The following BMAL2 variants were observed in gnomAD, a reference collection of about 807,000 sequenced individuals.
The protein encoded by BMAL2 is basic helix-loop-helix ARNT like 2, also known as basic helix-loop-helix ARNT-like protein 2.
chr12:27,376,467 C>A, the BMAL2 span: 1 of 1,297,426 alleles, frequency 7.7e-7, no homozygotes, highest in Non-Finnish European at 1.1e-6. Flanking sequence ...GCAAAGGTGA[C>A]ACCAAGGTAG....
At chr12:27,386,244 AT>A in the BMAL2 span, among the ~76,000 whole-genome samples, 2 of 152,162 alleles carry the variant, frequency 1.3e-5, no homozygotes, top group Admixed American at 6.5e-5. Flanking sequence ...GATAAAAAGG[AT>A]TTTTGAAGGT....
chr12:27,349,445 T>C, the BMAL2 span, among the ~76,000 whole-genome samples: 6 of 152,210 alleles, frequency 3.9e-5, no homozygotes, highest in Non-Finnish European at 5.9e-5. Context: ...ACTAATTATA[T>C]GAGGAGTTCT....
chr12:27,351,148 C>G, the BMAL2 span, among the ~76,000 whole-genome samples: 2 of 152,098 alleles, frequency 1.3e-5, no homozygotes, highest in Non-Finnish European at 2.9e-5. Context: ...GCCACCACAC[C>G]CTGCTAACTT....
chr12:27,368,547 C>A, the BMAL2 span: 1 of 1,120,146 alleles, frequency 8.9e-7, no homozygotes, highest in East Asian at 2.5e-5. Flanking sequence ...ATCCACCCAT[C>A]TGCTACCTTT....
the BMAL2 span, among the ~76,000 whole-genome samples, chr12:27,386,937 T>C: frequency 6.6e-6 from 1 of 152,218 alleles, no homozygotes; most frequent in Non-Finnish European, 1.5e-5. Flanking sequence ...TAGGCTCATA[T>C]ACAGCACCTG....
the BMAL2 span, chr12:27,390,222 C>G: frequency 1.2e-6 from 2 of 1,613,422 alleles, no homozygotes; most frequent in East Asian, 2.2e-5. Context: ...GGATGCTTAC[C>G]CAACTCAAAG....
At chr12:27,368,982 A>G in the BMAL2 span, among the ~76,000 whole-genome samples, 3 of 152,306 alleles carry the variant, frequency 2.0e-5, no homozygotes, top group Non-Finnish European at 4.4e-5. Context: ...TATGGTGAAA[A>G]CATCAGGGCA....
chr12:27,350,572 A>G, the BMAL2 span, among the ~76,000 whole-genome samples: 28 of 152,362 alleles, frequency 1.8e-4, no homozygotes, highest in African/African-American at 6.7e-4. Context: ...TCTTTGGTTT[A>G]GAAAACAAGA....
the BMAL2 span, chr12:27,368,136 C>G: frequency 8.6e-7 from 1 of 1,165,388 alleles, no homozygotes; most frequent in Non-Finnish European, 1.2e-6. Context: ...AGCCACAGCG[C>G]CTGGCCTTAG....
the BMAL2 span, among the ~76,000 whole-genome samples, chr12:27,415,515 C>G: frequency 6.6e-6 from 1 of 152,134 alleles, no homozygotes; most frequent in Non-Finnish European, 1.5e-5. Context: ...TTTCCTTACT[C>G]TTGGTTCTGC....
At chr12:27,353,927 G>T in the BMAL2 span, among the ~76,000 whole-genome samples, 1 of 152,086 alleles carries the variant, frequency 6.6e-6, no homozygotes, top group African/African-American at 2.4e-5. Flanking sequence ...ACAGATGTTG[G>T]CAAGGTTGTG....
At chr12:27,394,849 CTT>C in the BMAL2 span, among the ~76,000 whole-genome samples, 4 of 152,186 alleles carry the variant, frequency 2.6e-5, no homozygotes, top group Non-Finnish European at 5.9e-5. Context: ...CACCAGAGAG[CTT>C]TTTGTCTCTG....
the BMAL2 span, among the ~76,000 whole-genome samples, chr12:27,345,577 G>A: frequency 2.0e-5 from 3 of 152,064 alleles, no homozygotes; most frequent in Non-Finnish European, 2.9e-5. Context: ...CAGCCTCCAC[G>A]CCTTGGGCTC....
At chr12:27,348,958 G>A in the BMAL2 span, among the ~76,000 whole-genome samples, 1 of 152,214 alleles carries the variant, frequency 6.6e-6, no homozygotes, top group Non-Finnish European at 1.5e-5. Context: ...TAGGGTGGGA[G>A]ATTTTGACGT....
chr12:27,385,521 A>G, the BMAL2 span: 4 of 1,607,216 alleles, frequency 2.5e-6, no homozygotes, highest in East Asian at 4.5e-5. Flanking sequence ...ATAGACCATC[A>G]TTTCTTCAGG....
chr12:27,392,834 C>T, the BMAL2 span, among the ~76,000 whole-genome samples: 1 of 152,108 alleles, frequency 6.6e-6, no homozygotes, highest in Non-Finnish European at 1.5e-5. Context: ...GGAGATTTCC[C>T]ACATGGACTG....
chr12:27,334,525 G>T, the BMAL2 span, among the ~76,000 whole-genome samples: 259 of 152,300 alleles, frequency 1.7e-3, 1 homozygote, highest in African/African-American at 6.1e-3. Flanking sequence ...CATTAAGAAA[G>T]TGTTGTCCCT....
At chr12:27,411,522 G>T in the BMAL2 span, among the ~76,000 whole-genome samples, 1 of 152,084 alleles carries the variant, frequency 6.6e-6, no homozygotes, top group Non-Finnish European at 1.5e-5. Flanking sequence ...GGAGGCTGAG[G>T]TGGGAGGATC....
the BMAL2 span, among the ~76,000 whole-genome samples, chr12:27,334,345 G>A: frequency 5.3e-5 from 8 of 152,192 alleles, no homozygotes; most frequent in Non-Finnish European, 8.8e-5. Context: ...TAACTATGCA[G>A]TCTGCCTTAT....
Sources: allele counts gnomAD v4.1 joint callset (sites outside exome capture counted in the v4.1 genomes callset), GRCh38; gene constraint gnomAD v4.1.1; transcripts MANE v1.5; gene names NCBI Gene and HGNC (gene_info 2026-07-23, HGNC 2026-07-21).